Variants in FAM13A observed in about 807,000 individuals in gnomAD.
FAM13A encodes the protein family with sequence similarity 13 member A, also known as protein FAM13A.
A neutral mutation model predicts 129.6 loss-of-function variants in FAM13A; 76 were observed. The ratio of observed to expected loss-of-function variants is 0.59; its 90% CI spans 0.49 to 0.71. The LOEUF (loss-of-function observed/expected upper bound fraction) is 0.71, where lower values mean the gene tolerates loss of function less well. FAM13A is among the 30% of genes least tolerant of loss of function. The pLI, the probability that FAM13A is intolerant of heterozygous loss-of-function variation, is 0.00. For missense variants in FAM13A, 1,108 were observed against 1,249.3 expected (o/e 0.89, Z 1.70); for synonymous variants, 443 against 449.9 (o/e 0.98, Z 0.20).
At chr4:88,854,771 G>C (rs1237943165) in intron 6 of FAM13A, among the ~76,000 whole-genome samples, 1 of 152,212 alleles carries the variant, frequency 6.6e-6, no homozygotes, top group Non-Finnish European at 1.5e-5. Flanking sequence ...GTGCGCAGTA[G>C]CTCTAATTGT....
chr4:88,818,945 G>A (rs554244857), intron 7 of FAM13A, among the ~76,000 whole-genome samples: 2 of 152,304 alleles, frequency 1.3e-5, no homozygotes, highest in East Asian at 3.9e-4. Context: ...TGTTATCAAC[G>A]TTTACGTTGG....
Position 88,757,283 on chromosome 4 carries a change from G to GA in FAM13A, c.1726+1470dup, listed in dbSNP as rs571330929. Among the ~76,000 whole-genome samples, 422 of 152,228 alleles carry GA rather than the reference G, an allele frequency of 2.8e-3. 1 individual carries two copies. Among genetic ancestry groups the GA allele is most frequent in the African/African-American group, 9.7e-3 (404 of 41,544 alleles). On this transcript the variant is annotated intron_variant, in intron 14 of 23. Transcript: ENST00000264344. Reference sequence around the variant, plus strand: ...CAAACTGAGTCCATTTCAGGAGAAAGAAAAAATGTGGCTAATTTGAATTCT... The same window carrying GA: ...CAAACTGAGTCCATTTCAGGAGAAAGAAAAAAATGTGGCTAATTTGAATTCT...
rs534097217 is a variant in FAM13A at position 89,026,582 on chromosome 4, G to A, written c.217+2878C>T. ...ACTTACAATCATGGCAGAAGGCAAAGGGAAAGCGAGGCACCTTCTTCACAA... is the reference window on the plus strand; with the variant it reads ...ACTTACAATCATGGCAGAAGGCAAAAGGAAAGCGAGGCACCTTCTTCACAA... On this transcript the variant is annotated intron_variant, in intron 2 of 23. Transcript: ENST00000264344. Among the ~76,000 whole-genome samples, 5 of 152,330 alleles carry A rather than the reference G, an allele frequency of 3.3e-5. No individual in the cohort carries two copies. The South Asian group carries it at 1.0e-3, about 32-fold the overall frequency.
intron 1 of FAM13A, among the ~76,000 whole-genome samples, chr4:89,034,200 T>C (rs1481027806): frequency 6.6e-6 from 1 of 152,052 alleles, no homozygotes; most frequent in Non-Finnish European, 1.5e-5. Context: ...AGGACTAATA[T>C]CTAGAATCTA....
intron 7 of FAM13A, among the ~76,000 whole-genome samples, chr4:88,834,857 T>C (rs1734542902): frequency 6.6e-6 from 1 of 152,176 alleles, no homozygotes; most frequent in Non-Finnish European, 1.5e-5. Flanking sequence ...TATCTCTCTC[T>C]TCCTTCCCTG....
intron 6 of FAM13A, among the ~76,000 whole-genome samples, chr4:88,871,875 A>T (rs1461437458): frequency 3.3e-5 from 5 of 152,216 alleles, no homozygotes; most frequent in Admixed American, 6.5e-5. Flanking sequence ...GAATGAAAAA[A>T]TGTTAAGGGC....
chr4:88,779,514 C>G (rs1189101946), intron 11 of FAM13A, among the ~76,000 whole-genome samples: 2 of 152,110 alleles, frequency 1.3e-5, no homozygotes, highest in African/African-American at 4.8e-5. Flanking sequence ...CCTCACTTTA[C>G]AGATGAGGAA....
At chr4:88,864,023 C>T (rs13435132) in intron 6 of FAM13A, among the ~76,000 whole-genome samples, 3,742 of 152,166 alleles carry the variant, frequency 0.025, 166 homozygotes, top group African/African-American at 0.084. Flanking sequence ...ACAAAAAAAT[C>T]GGAATATATT....
chr4:88,994,978 T>C (rs1420578019), intron 3 of FAM13A, among the ~76,000 whole-genome samples: 1 of 152,198 alleles, frequency 6.6e-6, no homozygotes, highest in Non-Finnish European at 1.5e-5. Flanking sequence ...ACTTAAGGTC[T>C]CACATTATAA....
In FAM13A at chr4:88,804,615, G is replaced by A. The variant is rs56737366; in HGVS notation, c.1049+396C>T. Among the ~76,000 whole-genome samples, 92 of 152,234 alleles carry A rather than the reference G, an allele frequency of 6.0e-4. 1 individual carries two copies. The highest frequency in any genetic ancestry group is 2.1e-3 in the African/African-American group (88 of 41,536). ...TAGTTTCCTTCTCCGCTATGACATA[G>A]AAAATGATGTAACACAACCCAAGGC... On this transcript the variant is annotated intron_variant, in intron 8 of 23. Coordinates refer to ENST00000264344, the MANE Select transcript of FAM13A (RefSeq NM_014883.4).
intron 7 of FAM13A, among the ~76,000 whole-genome samples, chr4:88,809,314 G>A (rs1020555106): frequency 3.3e-5 from 5 of 152,060 alleles, no homozygotes; most frequent in African/African-American, 1.2e-4. Context: ...CTTTCTAATT[G>A]GTTAATGTGG....
chr4:89,046,644 G>A (rs189775412), intron 1 of FAM13A, among the ~76,000 whole-genome samples: 18 of 152,200 alleles, frequency 1.2e-4, no homozygotes, highest in Middle Eastern at 3.4e-3. Flanking sequence ...GAGCCCAGGA[G>A]TGCAAGACCA....
At chr4:88,804,679 T>TA (rs2149743416) in intron 8 of FAM13A, among the ~76,000 whole-genome samples, 1 of 148,828 alleles carries the variant, frequency 6.7e-6, no homozygotes, top group African/African-American at 2.5e-5. Context: ...TTGCCCCCAC[T>TA]AACCTATGCA....
At chr4:88,995,534 G>A (rs1016964662) in intron 3 of FAM13A, among the ~76,000 whole-genome samples, 2 of 152,172 alleles carry the variant, frequency 1.3e-5, no homozygotes, top group Admixed American at 6.5e-5. Flanking sequence ...CAGACTTCAA[G>A]TTCTTCAGCT....
At chr4:88,764,571 T>A (rs2149530899) in intron 13 of FAM13A, among the ~76,000 whole-genome samples, 1 of 152,322 alleles carries the variant, frequency 6.6e-6, no homozygotes, top group African/African-American at 2.4e-5. Context: ...TCTTTTAGAA[T>A]CTAGAAATTG....
Position 88,855,036 on chromosome 4 carries a change from G to A in FAM13A, c.844-3853C>T, listed in dbSNP as rs564689921. Reference sequence around the variant, plus strand: ...TCATTTGAAAGATGAGGAAACTGAGGCACAAAAAATTTCATTTGTTCCGAG... The same window carrying A: ...TCATTTGAAAGATGAGGAAACTGAGACACAAAAAATTTCATTTGTTCCGAG... On this transcript the variant is annotated intron_variant, in intron 6 of 23. Transcript: ENST00000264344. 7.2e-5 allele frequency among the ~76,000 whole-genome samples: 11 copies of A among 152,206 alleles called. No homozygotes were observed. In the East Asian group the frequency reaches 1.9e-3, roughly 27 times the overall value.
At chr4:88,754,712 T>A (rs982392770) in intron 14 of FAM13A, among the ~76,000 whole-genome samples, 9 of 152,238 alleles carry the variant, frequency 5.9e-5, no homozygotes, top group Non-Finnish European at 1.0e-4. Flanking sequence ...GTTAGTCCTA[T>A]GAAATTGTTC....
At chr4:88,908,122 G>A (rs1167770341) in intron 5 of FAM13A, among the ~76,000 whole-genome samples, 1 of 152,130 alleles carries the variant, frequency 6.6e-6, no homozygotes, top group South Asian at 2.1e-4. Flanking sequence ...AGTACCAAAG[G>A]GTACATTTCA....
chr4:88,973,007 T>C (rs1005323362), intron 4 of FAM13A, among the ~76,000 whole-genome samples: 2 of 152,218 alleles, frequency 1.3e-5, no homozygotes, highest in Admixed American at 6.5e-5. Flanking sequence ...CTTGCATGCA[T>C]TGTTTCAGAG....
Sources: gnomAD v4.1 joint callset for allele counts (sites outside exome capture counted in the v4.1 genomes callset) on GRCh38, gnomAD v4.1.1 for gene constraint, MANE v1.5 for transcripts, NCBI Gene and HGNC (gene_info 2026-07-23, HGNC 2026-07-21) for gene names.